Variants in ZNF846 observed in about 807,000 individuals in gnomAD.
ZNF846 encodes the protein zinc finger protein 420 pseudogene.
A neutral mutation model predicts 16.0 loss-of-function variants in ZNF846; 15 were observed. That is an observed-to-expected ratio of 0.94 (90% CI 0.63 to 1.45). The LOEUF (loss-of-function observed/expected upper bound fraction) is 1.45. ZNF846 is among the 40% of genes most tolerant of loss of function. The pLI, the probability that ZNF846 is intolerant of heterozygous loss-of-function variation, is 0.00. For missense variants in ZNF846, 714 were observed against 622.3 expected (o/e 1.15, Z -1.57); for synonymous variants, 229 against 212.0 (o/e 1.08, Z -0.70).
rs1238741422 is a variant in ZNF846 at position 9,764,712 on chromosome 19, A to G, written c.15+224T>C. The G allele has an allele frequency of 5.3e-6, 3 of 561,708 alleles. No individual in the cohort carries two copies. In the East Asian group the frequency reaches 9.1e-5, roughly 17 times the overall value. The allele number at this position is 561,708 out of a possible 1,614,324, so 34.8% of individuals were successfully genotyped here. ...CCAATCTGCCTGGGAACAAAGAGAG[A>G]GCCCCGTTGCACTGTGGGCTGCTGG... On this transcript the variant is annotated intron_variant, in intron 2 of 5. Transcript: ENST00000397902.
chr19:9,764,783 G>A (rs2045287941), intron 2 of ZNF846, 153 bp downstream of exon 2: 1 of 866,712 alleles, frequency 1.2e-6, no homozygotes, highest in African/African-American at 1.7e-5. Context: ...TACAACCTGA[G>A]ATGGCTTGGT....
At chr19:9,756,343 G>GTATATATATA (rs1190301971), downstream of ZNF846, 138 of 71,146 alleles carry the variant, frequency 1.9e-3, 2 homozygotes, top group South Asian at 3.0e-3. Flanking sequence ...GTGTGTGTGT[G>GTATATATATA]TGTATATATA....
upstream of ZNF846, among the ~76,000 whole-genome samples, chr19:9,769,472 C>T (rs971280700): frequency 2.6e-5 from 4 of 152,116 alleles, no homozygotes; most frequent in Non-Finnish European, 4.4e-5. Context: ...CTCCAGTGAT[C>T]CTTCCACCTT....
downstream of ZNF846, among the ~76,000 whole-genome samples, chr19:9,749,459 C>G (rs1335457575): frequency 6.6e-6 from 1 of 151,746 alleles, no homozygotes; most frequent in Non-Finnish European, 1.5e-5. Context: ...GGTTTTACTT[C>G]AAATAGCCAC....
chr19:9,782,535 TTGC>T (rs1249223521), intron 1 of ZNF846, among the ~76,000 whole-genome samples: 2 of 152,200 alleles, frequency 1.3e-5, no homozygotes, highest in Non-Finnish European at 1.5e-5. Context: ...AGCACTGGGA[TTGC>T]AGGCATGAGT....
chr19:9,758,478 C>T, exon 6 of ZNF846: 2 of 1,613,538 alleles, frequency 1.2e-6, no homozygotes, highest in Admixed American at 1.7e-5. Flanking sequence ...ACAGTCTTTG[C>T]ATTCACACAA....
downstream of ZNF846, among the ~76,000 whole-genome samples, chr19:9,749,101 A>T (rs1049626959): frequency 6.6e-6 from 1 of 152,176 alleles, no homozygotes; most frequent in Non-Finnish European, 1.5e-5. Context: ...TGTGTCTGTC[A>T]GCCAGCCAGC....
At chr19:9,768,639 C>T (rs1328208536), upstream of ZNF846, 1 of 152,448 alleles carries the variant, frequency 6.6e-6, no homozygotes, top group South Asian at 2.1e-4. Flanking sequence ...CGCTCCGCCT[C>T]CCGCTAGGCC....
At chr19:9,753,769 G>A (rs1402006489), downstream of ZNF846, among the ~76,000 whole-genome samples, 6 of 151,580 alleles carry the variant, frequency 4.0e-5, no homozygotes, top group Admixed American at 3.9e-4. Context: ...GACTTGAAAT[G>A]GTACTTTGTG....
intron 1 of ZNF846, among the ~76,000 whole-genome samples, chr19:9,779,087 G>T (rs774121799): frequency 1.3e-5 from 2 of 152,124 alleles, no homozygotes; most frequent in Non-Finnish European, 2.9e-5. Context: ...TTTGTAAAAT[G>T]AGGGTTAGAT....
intron 1 of ZNF846, among the ~76,000 whole-genome samples, chr19:9,778,803 CAAAAAAAAAA>C (rs56001426): frequency 5.8e-5 from 3 of 51,368 alleles, no homozygotes; most frequent in Non-Finnish European, 8.2e-5. Context: ...AAACTCGTCT[CAAAAAAAAAA>C]AAAAAAAAAA....
intron 2 of ZNF846, among the ~76,000 whole-genome samples, chr19:9,764,379 C>T (rs541776625): frequency 9.4e-4 from 143 of 152,152 alleles, no homozygotes; most frequent in Non-Finnish European, 1.8e-3. Context: ...TTTTAAGGCT[C>T]TGTTAGAAAT....
downstream of ZNF846, among the ~76,000 whole-genome samples, chr19:9,753,673 TAGATC>T (rs1184838633): frequency 1.3e-5 from 2 of 151,848 alleles, no homozygotes; most frequent in Non-Finnish European, 2.9e-5. Context: ...CACCCATTGA[TAGATC>T]AGGAGTGTGT....
intron 5 of ZNF846, among the ~76,000 whole-genome samples, chr19:9,759,203 G>A (rs981604779): frequency 6.6e-6 from 1 of 151,780 alleles, no homozygotes; most frequent in African/African-American, 2.4e-5. Flanking sequence ...TTGCCATGTT[G>A]ACCAGGCTAG....
chr19:9,759,703 T>C (rs551814143), intron 5 of ZNF846, among the ~76,000 whole-genome samples, 157 bp downstream of exon 5: 285 of 151,868 alleles, frequency 1.9e-3, no homozygotes, highest in Middle Eastern at 0.014. Flanking sequence ...AAGAAATATG[T>C]TTGTAGTAAG....
exon 1 of ZNF846, chr19:9,785,949 G>A (rs1045768540): frequency 4.7e-5 from 7 of 148,366 alleles, no homozygotes; most frequent in African/African-American, 1.8e-4. Flanking sequence ...TGGTCGCAGA[G>A]GCTACTGCTG....
At chr19:9,764,751 T>C in intron 2 of ZNF846, 185 bp downstream of exon 2, 3 of 672,834 alleles carry the variant, frequency 4.5e-6, no homozygotes, top group Non-Finnish European at 7.8e-6. Context: ...GATCCCGCAA[T>C]ACACTTCCAT....
chr19:9,754,347 C>T (rs2045113155), downstream of ZNF846, among the ~76,000 whole-genome samples: 1 of 151,256 alleles, frequency 6.6e-6, no homozygotes, highest in African/African-American at 2.5e-5. Context: ...AGCAGATCAC[C>T]TGAAGTCAGG....
chr19:9,783,544 A>ATATATAT (rs59645706), intron 1 of ZNF846, among the ~76,000 whole-genome samples: 7 of 108,798 alleles, frequency 6.4e-5, no homozygotes, highest in African/African-American at 1.8e-4. Flanking sequence ...AAAAAAAAAA[A>ATATATAT]ATATATATAT....
Sources: allele counts gnomAD v4.1 joint callset (sites outside exome capture counted in the v4.1 genomes callset), GRCh38; gene constraint gnomAD v4.1.1; transcripts MANE v1.5; gene names NCBI Gene and HGNC (gene_info 2026-07-23, HGNC 2026-07-21).